The following MAP3K13 variants were observed in gnomAD, a reference collection of about 807,000 sequenced individuals.
MAP3K13 encodes the protein mitogen-activated protein kinase kinase kinase 13.
MAP3K13 carries 52 observed loss-of-function variants against 104.0 expected under a neutral mutation model. The ratio of observed to expected loss-of-function variants is 0.50; its 90% CI spans 0.40 to 0.63. MAP3K13 has a LOEUF of 0.63. MAP3K13 is among the 20% of genes least tolerant of loss of function. The pLI, the probability that MAP3K13 is intolerant of heterozygous loss-of-function variation, is 0.00. For synonymous variants in MAP3K13, 394 were observed against 442.2 expected, an observed-to-expected ratio of 0.89 and a Z score of 1.37; for missense variants, 914 against 1,218.5, an observed-to-expected ratio of 0.75 and a Z score of 3.72.
rs1269947101 is a variant in MAP3K13, at chr3:185,485,102, T to C, written c.*2646T>C. 6.6e-6 allele frequency: 1 copy of C among 152,200 alleles called. No individual in the cohort carries two copies. The highest frequency in any genetic ancestry group is 2.4e-5 in the African/African-American group (1 of 41,456). 9.4% of individuals were successfully genotyped at this position (152,200 alleles called of 1,614,324 possible). On this transcript the variant is annotated 3_prime_UTR_variant, in exon 14 of 14. Transcript: ENST00000265026. ...GGATGTCAAATAGTGGATGGACATA[T>C]AGTTAAAAAGCTGTAAACTTTCTAA...
intron 2 of MAP3K13, among the ~76,000 whole-genome samples, chr3:185,286,265 T>G (rs112265343): frequency 6.6e-6 from 1 of 152,116 alleles, no homozygotes; most frequent in Non-Finnish European, 1.5e-5. Context: ...AGTTTGTTCA[T>G]TTTCAGAACC....
chr3:185,344,114 A>C (rs1722825875), intron 2 of MAP3K13, among the ~76,000 whole-genome samples: 1 of 152,200 alleles, frequency 6.6e-6, no homozygotes, highest in Admixed American at 6.5e-5. Context: ...GATGCTACCC[A>C]ATTTTGCATA....
At chr3:185,410,099 A>C (rs541678712) in intron 1 of MAP3K13, among the ~76,000 whole-genome samples, 1 of 152,236 alleles carries the variant, frequency 6.6e-6, no homozygotes, top group Non-Finnish European at 1.5e-5. Context: ...GATGGGAGGC[A>C]GAGCTCAGGC....
chr3:185,379,516 T>C (rs1016994552), intron 1 of MAP3K13, among the ~76,000 whole-genome samples: 5 of 152,162 alleles, frequency 3.3e-5, no homozygotes, highest in African/African-American at 1.2e-4. Flanking sequence ...CCCGAGGTTG[T>C]AGGTGGATCT....
intron 7 of MAP3K13, among the ~76,000 whole-genome samples, chr3:185,455,761 A>T (rs1716652801): frequency 1.4e-5 from 1 of 73,700 alleles, no homozygotes; most frequent in Non-Finnish European, 2.6e-5. Flanking sequence ...TATATATATG[A>T]GATATATATA....
At chr3:185,466,579 G>T (rs1717446346) in intron 9 of MAP3K13, among the ~76,000 whole-genome samples, 1 of 151,960 alleles carries the variant, frequency 6.6e-6, no homozygotes, top group Non-Finnish European at 1.5e-5. Flanking sequence ...ATTTCACTAT[G>T]TTGCCCAGGC....
intron 2 of MAP3K13, among the ~76,000 whole-genome samples, chr3:185,434,136 A>G (rs1161822102): frequency 6.6e-6 from 1 of 152,192 alleles, no homozygotes; most frequent in African/African-American, 2.4e-5. Flanking sequence ...AATGATATAG[A>G]ATACTTTGTT....
At chr3:185,446,489 A>G (rs1383990809) in intron 4 of MAP3K13, among the ~76,000 whole-genome samples, 1 of 152,198 alleles carries the variant, frequency 6.6e-6, no homozygotes, top group African/African-American at 2.4e-5. Context: ...TTAATTTTCT[A>G]AAGTTCTGAA....
Position 185,455,680 on chromosome 3 carries a change from A to AGATATAT in MAP3K13, c.1278+4286_1278+4292dup, listed in dbSNP as rs1716613130. Among the ~76,000 whole-genome samples the AGATATAT allele has an allele frequency of 1.7e-4, 2 of 11,922 alleles. 1 individual carries two copies. Among genetic ancestry groups the AGATATAT allele is most frequent in the African/African-American group, 3.4e-4 (2 of 5,842 alleles). 7.8% of individuals were successfully genotyped at this position (11,922 alleles called of 152,430 possible). A position where few individuals can be genotyped will look rare whatever the true frequency, so the allele number is the denominator to read the frequency against. On this transcript the variant is annotated intron_variant, in intron 7 of 13. Transcript: ENST00000265026. ...ATGATATATATATGATATATATATGAGATATATATATGATATATATATGAG... is the reference window on the plus strand; with the variant it reads ...ATGATATATATATGATATATATATGAGATATATGATATATATATGATATATATATGAG...
Position 185,460,761 on chromosome 3 carries a change from G to A in MAP3K13, c.1279-2789G>A, listed in dbSNP as rs376922853. On this transcript the variant is annotated intron_variant, in intron 7 of 13. Transcript: ENST00000265026. ...ACGTCCTTTTTTCTGTTCACAGGAG[G>A]GAACTTCTTTTCTGGAAATCTACTT... 1.2e-4 allele frequency among the ~76,000 whole-genome samples: 19 copies of A among 152,292 alleles called. No individual in the cohort carries two copies. The East Asian group carries it at 3.5e-3, about 28-fold the overall frequency.
In MAP3K13 at chr3:185,433,292, A is replaced by C. The variant is rs574860699; in HGVS notation, c.476-4155A>C. Among the ~76,000 whole-genome samples the C allele has an allele frequency of 5.3e-4, 81 of 152,310 alleles. 1 individual carries two copies. The highest frequency in any genetic ancestry group is 1.9e-3 in the African/African-American group (77 of 41,564). ...AAGGATTCTGGTGGATATTGGAATT[A>C]AGATCATAGTCATTGGGAAGATAAA... On this transcript the variant is annotated intron_variant, in intron 2 of 13. Transcript: ENST00000265026.
chr3:185,287,751 A>G (rs1720576245), intron 2 of MAP3K13, among the ~76,000 whole-genome samples: 1 of 152,290 alleles, frequency 6.6e-6, no homozygotes, highest in Admixed American at 6.5e-5. Flanking sequence ...TGATTAGTAG[A>G]ATAAAAGAAG....
At chr3:185,402,000 A>T (rs925081286) in intron 1 of MAP3K13, among the ~76,000 whole-genome samples, 5 of 152,252 alleles carry the variant, frequency 3.3e-5, no homozygotes, top group Admixed American at 3.3e-4. Context: ...CTTGAGTGTG[A>T]TAAATGATGC....
chr3:185,448,434 A>G (rs1715709214), intron 5 of MAP3K13, among the ~76,000 whole-genome samples: 1 of 152,158 alleles, frequency 6.6e-6, no homozygotes, highest in Admixed American at 6.5e-5. Flanking sequence ...TCTATAGGCT[A>G]TGCTTTAAAA....
rs944062125 is a variant in MAP3K13 at position 185,450,949 on chromosome 3, G to C, written c.1170-338G>C. On this transcript the variant is annotated intron_variant, in intron 6 of 13. Coordinates refer to ENST00000265026, the MANE Select transcript of MAP3K13 (RefSeq NM_004721.5). This position sits in a 1 kb window ranked among gnomAD's most constrained non-coding sequence, Gnocchi z 4.2. ...CTAAAAATACAAAAAAATTAGCCAGGTCTGGTGGCGGGTGCCTGTAGTCCC... is the reference window on the plus strand; with the variant it reads ...CTAAAAATACAAAAAAATTAGCCAGCTCTGGTGGCGGGTGCCTGTAGTCCC... Among the ~76,000 whole-genome samples, 1 of 152,146 alleles carries C rather than the reference G, an allele frequency of 6.6e-6. No homozygotes were observed. The highest frequency in any genetic ancestry group is 2.4e-5 in the African/African-American group (1 of 41,432).
intron 9 of MAP3K13, 56 bp from the exon 10 acceptor site, chr3:185,466,770 T>TG (rs1717457585): frequency 1.3e-6 from 2 of 1,597,936 alleles, no homozygotes; most frequent in Non-Finnish European, 8.6e-7. Flanking sequence ...GAAAATATTC[T>TG]GCCTATCCTT....
rs1717964555 is a variant in MAP3K13, at chr3:185,473,997, A to G, written c.2430+236A>G. Among the ~76,000 whole-genome samples the G allele has an allele frequency of 2.0e-5, 3 of 152,218 alleles. No individual in the cohort carries two copies. Among genetic ancestry groups the G allele is most frequent in the Admixed American group, 2.0e-4 (3 of 15,276 alleles). ...TGAACCAGAGGACTGAGTCAAGTGT[A>G]TGTATAATAACTTATTTATAGATAA... On this transcript the variant is annotated intron_variant, in intron 11 of 13. Coordinates refer to ENST00000265026, the MANE Select transcript of MAP3K13 (RefSeq NM_004721.5). The surrounding 1 kb of genome is among the most constrained non-coding windows in gnomAD (Gnocchi z 4.9).
intron 2 of MAP3K13, among the ~76,000 whole-genome samples, chr3:185,289,362 T>C (rs1478810843): frequency 1.3e-5 from 2 of 152,148 alleles, no homozygotes; most frequent in African/African-American, 4.8e-5. Flanking sequence ...TGTAATAAAG[T>C]GATTTATTGT....
chr3:185,414,034 C>T (rs1310836725), intron 1 of MAP3K13, among the ~76,000 whole-genome samples: 1 of 152,058 alleles, frequency 6.6e-6, no homozygotes, highest in African/African-American at 2.4e-5. Flanking sequence ...ATTATAATAT[C>T]GACAATACAG....
Sources: allele counts gnomAD v4.1 joint callset (sites outside exome capture counted in the v4.1 genomes callset), GRCh38; gene constraint gnomAD v4.1.1; non-coding constraint Gnocchi (gnomAD v3.1); transcripts MANE v1.5; gene names NCBI Gene and HGNC (gene_info 2026-07-23, HGNC 2026-07-21).